BICC1: variants seen among roughly 807,000 people sequenced by gnomAD.
BICC1 encodes protein bicaudal C homolog 1.
Under a neutral mutation model 111.0 loss-of-function variants are expected in BICC1, and 43 were observed. The observed-to-expected ratio is 0.39, with a 90% confidence interval of 0.30 to 0.50. The LOEUF (loss-of-function observed/expected upper bound fraction) is 0.50. Ranked by LOEUF, BICC1 falls within the 20% of genes least tolerant of loss-of-function variation. BICC1 has a pLI of 0.88. For synonymous variants in BICC1, 467 were observed against 434.4 expected, an observed-to-expected ratio of 1.07 and a Z score of -0.93; for missense variants, 1,091 against 1,203.2, an observed-to-expected ratio of 0.91 and a Z score of 1.38.
intron 1 of BICC1, among the ~76,000 whole-genome samples, chr10:58,572,378 A>C (rs1172471930): frequency 6.6e-6 from 1 of 152,014 alleles, no homozygotes; most frequent in Non-Finnish European, 1.5e-5. Flanking sequence ...CGTCTTCATC[A>C]TTAAATATTT....
chr10:58,812,954 A>T (rs772505224), intron 17 of BICC1, among the ~76,000 whole-genome samples: 12 of 152,156 alleles, frequency 7.9e-5, no homozygotes, highest in Non-Finnish European at 1.3e-4. Flanking sequence ...AAATAGGAAG[A>T]TCCTCCAAAG....
intron 1 of BICC1, among the ~76,000 whole-genome samples, chr10:58,541,993 TAAC>T (rs991599721): frequency 3.0e-4 from 46 of 151,652 alleles, no homozygotes; most frequent in Middle Eastern, 3.4e-3. Context: ...CTACAAAAAA[TAAC>T]AAAAGTTATC....
chr10:58,718,490 A>G (rs1237033761), intron 3 of BICC1, among the ~76,000 whole-genome samples: 2 of 152,124 alleles, frequency 1.3e-5, no homozygotes, highest in Admixed American at 1.3e-4. Context: ...TTTTCCTGGT[A>G]AAATTAGACT....
chr10:58,600,997 T>A (rs1009600871), intron 1 of BICC1, among the ~76,000 whole-genome samples: 3 of 151,644 alleles, frequency 2.0e-5, no homozygotes, highest in African/African-American at 7.3e-5. Context: ...ACCCAACCCC[T>A]GTGTTGTTTA....
chr10:58,583,459 T>G (rs1335426645), intron 1 of BICC1, among the ~76,000 whole-genome samples: 2 of 150,312 alleles, frequency 1.3e-5, no homozygotes, highest in African/African-American at 4.9e-5. Flanking sequence ...AGTGAGAACA[T>G]AACGATGTTT....
intron 2 of BICC1, among the ~76,000 whole-genome samples, chr10:58,666,302 A>G (rs1839007873): frequency 6.6e-6 from 1 of 152,228 alleles, no homozygotes; most frequent in Non-Finnish European, 1.5e-5. Context: ...GAAGTAGGCC[A>G]CTGAGATTGG....
intron 2 of BICC1, among the ~76,000 whole-genome samples, chr10:58,697,390 A>G (rs1840094178): frequency 6.6e-6 from 1 of 152,204 alleles, no homozygotes; most frequent in South Asian, 2.1e-4. Flanking sequence ...ATAGAAAATA[A>G]TTCAAAATCA....
At chr10:58,787,105 T>G (rs1175276658) in intron 5 of BICC1, 24 bp downstream of exon 5, 1 of 1,536,774 alleles carries the variant, frequency 6.5e-7, no homozygotes, top group South Asian at 1.3e-5. Context: ...TCACATGAAC[T>G]TTTATGGGAT....
At chr10:58,559,708 G>A (rs1277580431) in intron 1 of BICC1, among the ~76,000 whole-genome samples, 1 of 152,030 alleles carries the variant, frequency 6.6e-6, no homozygotes. Flanking sequence ...TGTTCAGTAT[G>A]GCGTCAGCTA....
At chr10:58,642,264 G>C (rs1267378307) in intron 2 of BICC1, among the ~76,000 whole-genome samples, 2 of 152,146 alleles carry the variant, frequency 1.3e-5, no homozygotes, top group African/African-American at 4.8e-5. Flanking sequence ...AGCTACTCAT[G>C]GTGGCTTCTT....
chr10:58,658,209 A>G (rs1170734143), intron 2 of BICC1, among the ~76,000 whole-genome samples: 1 of 151,998 alleles, frequency 6.6e-6, no homozygotes, highest in Non-Finnish European at 1.5e-5. Flanking sequence ...TTTTTTTGAG[A>G]CAGAGTCTCA....
chr10:58,732,500 G>A (rs1416549568), intron 3 of BICC1, among the ~76,000 whole-genome samples: 1 of 147,006 alleles, frequency 6.8e-6, no homozygotes, highest in East Asian at 2.0e-4. Context: ...TGCCTTCTCA[G>A]CCAGGCACAT....
intron 2 of BICC1, among the ~76,000 whole-genome samples, chr10:58,693,572 A>G (rs1839977507): frequency 6.6e-6 from 1 of 152,120 alleles, no homozygotes; most frequent in African/African-American, 2.4e-5. Flanking sequence ...GTGAGATGGT[A>G]TCTCATTGTG....
At chr10:58,607,749 C>T (rs1845276721) in intron 1 of BICC1, among the ~76,000 whole-genome samples, 1 of 152,148 alleles carries the variant, frequency 6.6e-6, no homozygotes, top group East Asian at 1.9e-4. Context: ...GTTGACTGGT[C>T]CTCACCAGCA....
chr10:58,797,469 ATT>A (rs142108773), intron 10 of BICC1, among the ~76,000 whole-genome samples: 1 of 152,012 alleles, frequency 6.6e-6, no homozygotes, highest in Non-Finnish European at 1.5e-5. Flanking sequence ...TTAAAGAAAG[ATT>A]TTTTTTGTAT....
At chr10:58,592,875 C>CAAA (rs969508229) in intron 1 of BICC1, among the ~76,000 whole-genome samples, 7 of 46,668 alleles carry the variant, frequency 1.5e-4, no homozygotes, top group South Asian at 2.0e-3. Flanking sequence ...GACTCCGTCT[C>CAAA]AAAAAAAAAA....
intron 1 of BICC1, among the ~76,000 whole-genome samples, chr10:58,618,236 A>C (rs1304718074): frequency 6.6e-6 from 1 of 152,172 alleles, no homozygotes; most frequent in African/African-American, 2.4e-5. Context: ...CCCTTGGCCT[A>C]GGGGGTGGAG....
chr10:58,682,655 T>C (rs954508761), intron 2 of BICC1, among the ~76,000 whole-genome samples: 8 of 152,108 alleles, frequency 5.3e-5, no homozygotes, highest in Admixed American at 2.6e-4. Flanking sequence ...ATGTGTCTGT[T>C]TCATGTGTCT....
At chr10:58,737,257 C>T (rs1841499611) in intron 3 of BICC1, among the ~76,000 whole-genome samples, 1 of 152,150 alleles carries the variant, frequency 6.6e-6, no homozygotes, top group Admixed American at 6.5e-5. Flanking sequence ...CTTCCCCCCA[C>T]CGCACAACAG....
Sources: gnomAD v4.1 joint callset for allele counts (sites outside exome capture counted in the v4.1 genomes callset) on GRCh38, gnomAD v4.1.1 for gene constraint, MANE v1.5 for transcripts, NCBI Gene and HGNC (gene_info 2026-07-23, HGNC 2026-07-21) for gene names.